DERA: variants seen among roughly 807,000 people sequenced by gnomAD.
DERA encodes the protein deoxyribose-phosphate aldolase.
DERA carries 15 observed loss-of-function variants against 41.1 expected under a neutral mutation model. The observed-to-expected ratio is 0.37, with a 90% confidence interval of 0.24 to 0.56. DERA has a LOEUF of 0.56. Among genes scored for constraint, DERA ranks in the 20% least tolerant of loss-of-function variants. The pLI, the probability that DERA is intolerant of heterozygous loss-of-function variation, is 0.81. For missense variants in DERA, 396 were observed against 403.4 expected, an observed-to-expected ratio of 0.98 and a Z score of 0.16; for synonymous variants, 139 against 137.4, an observed-to-expected ratio of 1.01 and a Z score of -0.08.
rs754303382 is a variant in DERA at position 16,032,624 on chromosome 12, T to C, written c.720T>C (p.Ile240=). The C allele has an allele frequency of 3.2e-6, 5 of 1,564,316 alleles. No individual in the cohort carries two copies. In the African/African-American group the frequency reaches 6.8e-5, roughly 21 times the overall value. ...TAGCTATAGTAATGCTGCGGGCCATTAGAGATTTCTTCTGGAAAACTGGAA... is the reference window on the plus strand; with the variant it reads ...TAGCTATAGTAATGCTGCGGGCCATCAGAGATTTCTTCTGGAAAACTGGAA... ...FPVAIVMLRA[I]RDFFWKTGNK... The change falls in exon 7 of 9, where the codon ATT becomes ATC. Residue 240 remains isoleucine (I), a synonymous_variant. Coordinates refer to ENST00000428559, the MANE Select transcript of DERA (RefSeq NM_015954.4).
At position 15,981,785 on chromosome 12, in the gene DERA, A is replaced by G. The variant is rs974538656; in HGVS notation, c.509-523A>G. On this transcript the variant is annotated intron_variant, in intron 5 of 8. Coordinates refer to ENST00000428559, the MANE Select transcript of DERA (RefSeq NM_015954.4). This position sits in a 1 kb window ranked among gnomAD's most constrained non-coding sequence, Gnocchi z 6.1. ...GCCAGGCCTAACACTTTTTAGTCAG[A>G]TATATAAACATACTCTGGCAGGCAG... is the stretch of plus-strand genomic sequence containing the variant. Among the ~76,000 whole-genome samples, 12 of 152,202 alleles carry G rather than the reference A, an allele frequency of 7.9e-5. No homozygotes were observed. Among genetic ancestry groups the G allele is most frequent in the Non-Finnish European group, 1.8e-4 (12 of 68,040 alleles).
chr12:16,032,090 A>T (rs996190790), intron 6 of DERA, among the ~76,000 whole-genome samples: 1 of 152,206 alleles, frequency 6.6e-6, no homozygotes, highest in Non-Finnish European at 1.5e-5. Context: ...AAATCAGCTA[A>T]TGGTGATTCT....
At position 15,922,852 on chromosome 12, in the gene DERA, G is replaced by A. The variant is rs1948253908; in HGVS notation, c.31+11438G>A. ...GTCTGTAAAACAGACACACGAGAAT[G>A]TAGGTTCATCAGTTGTAAGGTTTAT... On this transcript the variant is annotated intron_variant, in intron 1 of 8. Transcript: ENST00000428559. This position sits in a 1 kb window ranked among gnomAD's most constrained non-coding sequence, Gnocchi z 4.9. Among the ~76,000 whole-genome samples, 3 of 152,048 alleles carry A rather than the reference G, an allele frequency of 2.0e-5. No individual in the cohort carries two copies. Among genetic ancestry groups the A allele is most frequent in the Non-Finnish European group, 4.4e-5 (3 of 68,010 alleles).
chr12:15,997,505 G>A (rs1366756495), intron 6 of DERA, among the ~76,000 whole-genome samples: 2 of 152,084 alleles, frequency 1.3e-5, no homozygotes, highest in African/African-American at 2.4e-5. Flanking sequence ...CAAGGTGTTC[G>A]GTAAAAATAC....
chr12:16,035,839 G>A lies in DERA; in HGVS notation c.751-393G>A, dbSNP rs1261029496. Among the ~76,000 whole-genome samples the A allele has an allele frequency of 4.6e-5, 7 of 152,302 alleles. No homozygotes were observed. The highest frequency in any genetic ancestry group is 3.9e-4 in the Admixed American group (6 of 15,304). On this transcript the variant is annotated intron_variant, in intron 7 of 8. Transcript: ENST00000428559. The surrounding 1 kb of genome is among the most constrained non-coding windows in gnomAD (Gnocchi z 4.1). Reference sequence around the variant, plus strand: ...TGAAGGCTGAGAAGTGACTCTACAGGCTTACTTGTGGAAATGTAGAATGAG... The same window carrying A: ...TGAAGGCTGAGAAGTGACTCTACAGACTTACTTGTGGAAATGTAGAATGAG...
At position 15,936,935 on chromosome 12, in the gene DERA, C is replaced by CCCG. The variant is rs1565588716; in HGVS notation, c.32-20001_32-20000insCCG. Among the ~76,000 whole-genome samples the CCCG allele has an allele frequency of 0.035, 4,685 of 135,130 alleles. 147 individuals are homozygous for CCCG. Among genetic ancestry groups the CCCG allele is most frequent in the Middle Eastern group, 0.05 (13 of 260 alleles). 88.7% of individuals were successfully genotyped at this position (135,130 alleles called of 152,430 possible). ...CCTGTCCTGTCCTGTCCTGTCCTGT[C>CCCG]TTGTCCTGTCCCGTCCTGTCCTGCC... On this transcript the variant is annotated intron_variant, in intron 1 of 8. Transcript: ENST00000428559. This position sits in a 1 kb window ranked among gnomAD's most constrained non-coding sequence, Gnocchi z 4.6.
intron 1 of DERA, among the ~76,000 whole-genome samples, chr12:15,948,090 T>A (rs1223740467): frequency 6.6e-6 from 1 of 152,250 alleles, no homozygotes; most frequent in East Asian, 1.9e-4. Flanking sequence ...TCTGATGGGC[T>A]TCCCTTTATG....
chr12:16,032,474 C>G, intron 6 of DERA, 68 bp from the exon 7 acceptor site: 3 of 874,444 alleles, frequency 3.4e-6, no homozygotes, highest in Non-Finnish European at 5.1e-6. Flanking sequence ...ACTCATTTCT[C>G]CCACTGACTC....
rs1948807847 is a variant in DERA, at chr12:15,992,337, T to C, written c.637+9901T>C. 6.6e-6 allele frequency among the ~76,000 whole-genome samples: 1 copy of C among 152,166 alleles called. No homozygotes were observed. Among genetic ancestry groups the C allele is most frequent in the South Asian group, 2.1e-4 (1 of 4,826 alleles). The stretch of plus-strand genomic sequence containing the variant: ...TGAACATGTTATTTTAGAGGGCAAC[T>C]CTTATTTTAGTTGAACAAAAAGAGA... On this transcript the variant is annotated intron_variant, in intron 6 of 8. Transcript: ENST00000428559. The surrounding 1 kb of genome is among the most constrained non-coding windows in gnomAD (Gnocchi z 4.3).
rs1429648374 is a variant in DERA at position 16,014,420 on chromosome 12, T to G, written c.638-18122T>G. On this transcript the variant is annotated intron_variant, in intron 6 of 8. Transcript: ENST00000428559. The surrounding 1 kb of genome is among the most constrained non-coding windows in gnomAD (Gnocchi z 5.4). Reference sequence around the variant, plus strand: ...CCCGGCCGTGGCTAAAAGAAGCCAATGTACAGCTCAGGCCATTGCTTCAGA... The same window carrying G: ...CCCGGCCGTGGCTAAAAGAAGCCAAGGTACAGCTCAGGCCATTGCTTCAGA... Among the ~76,000 whole-genome samples, 2 of 152,204 alleles carry G rather than the reference T, an allele frequency of 1.3e-5. No homozygotes were observed. The highest frequency in any genetic ancestry group is 6.5e-5 in the Admixed American group (1 of 15,290).
chr12:16,012,569 G>A lies in DERA; in HGVS notation c.638-19973G>A, dbSNP rs566233086. ...TATTCAAATTTGGGAGCAGAGCCGA[G>A]TTGTTTAGACAAGAGAGAATAGTCA... On this transcript the variant is annotated intron_variant, in intron 6 of 8. Transcript: ENST00000428559. The surrounding 1 kb of genome is among the most constrained non-coding windows in gnomAD (Gnocchi z 4.1). Among the ~76,000 whole-genome samples, 1 of 152,178 alleles carries A rather than the reference G, an allele frequency of 6.6e-6. No individual in the cohort carries two copies. The highest frequency in any genetic ancestry group is 1.5e-5 in the Non-Finnish European group (1 of 68,034).
At chr12:15,912,394 CAT>C (rs751035848) in intron 1 of DERA, among the ~76,000 whole-genome samples, 20 of 152,284 alleles carry the variant, frequency 1.3e-4, no homozygotes, top group East Asian at 7.7e-4. Flanking sequence ...GATTTCTTAA[CAT>C]GTGAAAAATT....
At chr12:15,951,390 G>A (rs1333942598) in intron 1 of DERA, 1 of 152,234 alleles carries the variant, frequency 6.6e-6, no homozygotes, top group Non-Finnish European at 1.5e-5. Flanking sequence ...GTATCAGGCT[G>A]GCTTTCTGGA....
chr12:15,956,727 A>C (rs757219991), intron 1 of DERA: 1 of 637,460 alleles, frequency 1.6e-6, no homozygotes, highest in African/African-American at 1.8e-5. Flanking sequence ...TTTGAAAGTA[A>C]TGGAGTGATT....
rs565396905 is a variant in DERA, at chr12:15,939,204, C to T, written c.32-17732C>T. ...TCCCAGCAGAGCCCAGTCTTCCAGC[C>T]GTACCCTTCAAGGTATCAGAAATAT... On this transcript the variant is annotated intron_variant, in intron 1 of 8. Coordinates refer to ENST00000428559, the MANE Select transcript of DERA (RefSeq NM_015954.4). 8.5e-5 allele frequency among the ~76,000 whole-genome samples: 13 copies of T among 152,296 alleles called. No individual in the cohort carries two copies. The South Asian group carries it at 1.0e-3, about 12-fold the overall frequency.
At chr12:15,971,402 G>T (rs745725301) in intron 5 of DERA, among the ~76,000 whole-genome samples, 1 of 152,040 alleles carries the variant, frequency 6.6e-6, no homozygotes, top group African/African-American at 2.4e-5. Flanking sequence ...GGCAAAGAGA[G>T]CATCTGAAGG....
At position 15,943,938 on chromosome 12, in the gene DERA, C is replaced by G. The variant is rs953217639; in HGVS notation, c.32-12998C>G. On this transcript the variant is annotated intron_variant, in intron 1 of 8. Transcript: ENST00000428559. This position sits in a 1 kb window ranked among gnomAD's most constrained non-coding sequence, Gnocchi z 4.5. ...GTTCCCCTTCCTGTGTCCAAGTGTT[C>G]TCATTGTTCAATTCCCACCTATGAG... Among the ~76,000 whole-genome samples the G allele has an allele frequency of 1.4e-5, 2 of 138,086 alleles. No individual in the cohort carries two copies. Among genetic ancestry groups the G allele is most frequent in the Non-Finnish European group, 3.0e-5 (2 of 65,584 alleles). The allele number at this position is 138,086 out of a possible 152,430, so 90.6% of individuals were successfully genotyped here.
Position 16,032,566 on chromosome 12 carries a change from C to G in DERA, c.662C>G (p.Thr221Ser), listed in dbSNP as rs775311177. ...GGATCAGATTTTATTAAGACCTCTACTGGAAAAGAAACAGTAAATGCCACC... is the reference window on the plus strand; with the variant it reads ...GGATCAGATTTTATTAAGACCTCTAGTGGAAAAGAAACAGTAAATGCCACC... The part of the protein sequence containing the change: ...MAGSDFIKTS[T>S]GKETVNATFP... The change falls in exon 7 of 9, where the codon ACT becomes AGT. Residue 221 changes from threonine to serine, a missense_variant. Physicochemically the swap from Thr to Ser is moderately conservative, Grantham distance 58. Coordinates refer to ENST00000428559, the MANE Select transcript of DERA (RefSeq NM_015954.4). The G allele has an allele frequency of 1.3e-5, 20 of 1,550,752 alleles. No individual in the cohort carries two copies. The highest frequency in any genetic ancestry group is 1.6e-5 in the Non-Finnish European group (18 of 1,148,270).
At chr12:15,920,953 G>A (rs1347717592) in intron 1 of DERA, among the ~76,000 whole-genome samples, 1 of 152,224 alleles carries the variant, frequency 6.6e-6, no homozygotes, top group African/African-American at 2.4e-5. Context: ...TGCAGGGGCA[G>A]AACCATGCAG....
Sources: gnomAD v4.1 joint callset for allele counts (sites outside exome capture counted in the v4.1 genomes callset) on GRCh38, gnomAD v4.1.1 for gene constraint, Gnocchi (gnomAD v3.1) non-coding constraint, MANE v1.5 for transcripts, NCBI Gene and HGNC (gene_info 2026-07-23, HGNC 2026-07-21) for gene names.